BTBD9: variants seen among roughly 807,000 people sequenced by gnomAD.
BTBD9 encodes the protein BTB/POZ domain-containing protein 9.
BTBD9 carries 49 observed loss-of-function variants against 64.3 expected under a neutral mutation model. That is an observed-to-expected ratio of 0.76 (90% CI 0.61 to 0.97). The LOEUF (loss-of-function observed/expected upper bound fraction) is 0.97, where lower values mean the gene tolerates loss of function less well. BTBD9 is among the 50% of genes least tolerant of loss of function. The pLI is 0.00. For synonymous variants in BTBD9, 260 were observed against 274.7 expected, an observed-to-expected ratio of 0.95 and a Z score of 0.53; for missense variants, 598 against 762.1, an observed-to-expected ratio of 0.78 and a Z score of 2.53.
chr6:38,599,900 G>A (rs1035217205), intron 1 of BTBD9, among the ~76,000 whole-genome samples: 4 of 152,196 alleles, frequency 2.6e-5, no homozygotes, highest in African/African-American at 9.7e-5. Flanking sequence ...CCAGGTAAGT[G>A]AGCAAAATCC....
At chr6:38,618,853 G>A (rs1016547878) in intron 1 of BTBD9, among the ~76,000 whole-genome samples, 3 of 152,194 alleles carry the variant, frequency 2.0e-5, no homozygotes, top group Non-Finnish European at 2.9e-5. Flanking sequence ...GTCTGGAGAT[G>A]CCTGGTAACT....
intron 6 of BTBD9, among the ~76,000 whole-genome samples, chr6:38,406,500 T>C (rs1418301591): frequency 1.3e-5 from 2 of 152,178 alleles, no homozygotes; most frequent in Non-Finnish European, 2.9e-5. Flanking sequence ...TACATTTTCA[T>C]TTACAGTAAG....
At chr6:38,404,139 T>C (rs1767065808) in intron 6 of BTBD9, among the ~76,000 whole-genome samples, 1 of 152,194 alleles carries the variant, frequency 6.6e-6, no homozygotes, top group Non-Finnish European at 1.5e-5. Flanking sequence ...TGATAAAAAA[T>C]GTTAGTGGTG....
chr6:38,607,746 A>G (rs960547938), intron 1 of BTBD9, among the ~76,000 whole-genome samples: 1 of 145,378 alleles, frequency 6.9e-6, no homozygotes, highest in African/African-American at 2.7e-5. Context: ...TTATTTAATC[A>G]CAAAATATCA....
At chr6:38,242,076 G>A (rs1162201339) in intron 9 of BTBD9, among the ~76,000 whole-genome samples, 1 of 152,090 alleles carries the variant, frequency 6.6e-6, no homozygotes, top group East Asian at 1.9e-4. Context: ...AGCAAGGTAG[G>A]GAATCATATA....
intron 6 of BTBD9, among the ~76,000 whole-genome samples, chr6:38,438,247 G>GAAA (rs1399857184): frequency 7.5e-6 from 1 of 133,990 alleles, no homozygotes; most frequent in Non-Finnish European, 1.6e-5. Context: ...AGGGAGGGAG[G>GAAA]GAGGAAGGAA....
At chr6:38,467,151 G>T (rs1435972019) in intron 6 of BTBD9, among the ~76,000 whole-genome samples, 3 of 152,164 alleles carry the variant, frequency 2.0e-5, no homozygotes, top group East Asian at 1.9e-4. Flanking sequence ...AAACAAAAAA[G>T]AATTACAGAA....
chr6:38,496,671 A>G (rs189680223), intron 6 of BTBD9, among the ~76,000 whole-genome samples: 2,178 of 150,874 alleles, frequency 0.014, 16 homozygotes, highest in Admixed American at 0.035. Context: ...AAAAAAAAAA[A>G]AGAGAGAGAG....
At chr6:38,630,467 T>C (rs946840155) in intron 1 of BTBD9, among the ~76,000 whole-genome samples, 1 of 152,190 alleles carries the variant, frequency 6.6e-6, no homozygotes, top group Non-Finnish European at 1.5e-5. Flanking sequence ...ATTGAAGGAT[T>C]GGGTATTATA....
chr6:38,474,900 CTCAA>C (rs1342918677), intron 6 of BTBD9, among the ~76,000 whole-genome samples: 4 of 152,046 alleles, frequency 2.6e-5, no homozygotes, highest in South Asian at 2.1e-4. Flanking sequence ...TTTAAAAAAT[CTCAA>C]TCAGATAAAT....
chr6:38,557,747 C>A (rs1432863176), intron 6 of BTBD9, among the ~76,000 whole-genome samples: 3 of 152,006 alleles, frequency 2.0e-5, no homozygotes, highest in Non-Finnish European at 4.4e-5. Context: ...AACAGAGGTC[C>A]CAGACCAGGC....
At position 38,594,394 on chromosome 6, in the gene BTBD9, AAC is replaced by A. The variant is rs1776951038; in HGVS notation, c.186-69_186-68del. 6.1e-6 allele frequency: 9 copies of A among 1,480,646 alleles called. No individual in the cohort carries two copies. In the Admixed American group the frequency reaches 2.3e-4, roughly 37 times the overall value. 91.7% of individuals were successfully genotyped at this position (1,480,646 alleles called of 1,614,324 possible). Reference sequence around the variant, plus strand: ...GGATTTGCTACAAAATATTGGAAATAACAGTTATCAACATTATGCAAATATAA... The same window carrying A: ...GGATTTGCTACAAAATATTGGAAATAAGTTATCAACATTATGCAAATATAA... On this transcript the variant is annotated intron_variant, in intron 2 of 10. Transcript: ENST00000481247.
chr6:38,509,817 AAC>A (rs1469222680), intron 6 of BTBD9, among the ~76,000 whole-genome samples: 1 of 152,158 alleles, frequency 6.6e-6, no homozygotes, highest in Non-Finnish European at 1.5e-5. Context: ...ATGATAAATA[AAC>A]ACAGTTCTGA....
chr6:38,297,617 C>A (rs1405133864), intron 7 of BTBD9, among the ~76,000 whole-genome samples: 1 of 152,018 alleles, frequency 6.6e-6, no homozygotes. Context: ...TCTACTATTT[C>A]CTTAGTATCA....
At chr6:38,552,760 A>G (rs898877075) in intron 6 of BTBD9, among the ~76,000 whole-genome samples, 2 of 152,060 alleles carry the variant, frequency 1.3e-5, no homozygotes, top group East Asian at 3.9e-4. Flanking sequence ...AAAAGAAAAA[A>G]AAAAAAAAGA....
chr6:38,482,642 T>C (rs1771209722), intron 6 of BTBD9: 1 of 152,192 alleles, frequency 6.6e-6, no homozygotes. Flanking sequence ...AACACTGAGC[T>C]ATGTCTGGAG....
Position 38,256,423 on chromosome 6 carries a change from A to T in BTBD9, c.1548T>A (p.Thr516=). The change falls in exon 9 of 11, where the codon ACT becomes ACA. Residue 516 remains threonine, a synonymous_variant. Transcript: ENST00000481247. ...QQQWTMVADR[T]KVSCKSWQSV... ...ACACAACTTACTTGCAGGAGACTTTAGTTCTGTCAGCAACCATGGTCCACT... is the reference window on the plus strand; with the variant it reads ...ACACAACTTACTTGCAGGAGACTTTTGTTCTGTCAGCAACCATGGTCCACT... 1 of 1,612,710 alleles carries T rather than the reference A, an allele frequency of 6.2e-7. No individual in the cohort carries two copies. Among genetic ancestry groups the T allele is most frequent in the Non-Finnish European group, 8.5e-7 (1 of 1,178,726 alleles).
intron 7 of BTBD9, among the ~76,000 whole-genome samples, chr6:38,338,549 T>A (rs1273279320): frequency 6.6e-6 from 1 of 151,936 alleles, no homozygotes; most frequent in Non-Finnish European, 1.5e-5. Context: ...TTTGAAAGGG[T>A]TAAAGAAACC....
intron 6 of BTBD9, among the ~76,000 whole-genome samples, chr6:38,546,142 T>C (rs1314284228): frequency 1.3e-5 from 2 of 152,206 alleles, no homozygotes; most frequent in South Asian, 2.1e-4. Flanking sequence ...AAAGGTTCTA[T>C]CCGATGAGTT....
Sources: allele counts gnomAD v4.1 joint callset (sites outside exome capture counted in the v4.1 genomes callset), GRCh38; gene constraint gnomAD v4.1.1; transcripts MANE v1.5; gene names NCBI Gene and HGNC (gene_info 2026-07-23, HGNC 2026-07-21).